The following TNK2 variants were observed in gnomAD, a reference collection of about 807,000 sequenced individuals.
TNK2 encodes the protein tyrosine kinase non receptor 2.
In TNK2, 83 loss-of-function variants were observed where a neutral mutation model predicts 101.8. That is an observed-to-expected ratio of 0.82 (90% CI 0.68 to 0.98). TNK2 has a LOEUF of 0.98. Among genes scored for constraint, TNK2 ranks in the 50% least tolerant of loss-of-function variants. The pLI, the probability that TNK2 is intolerant of heterozygous loss-of-function variation, is 0.00. For missense variants in TNK2, 1,665 were observed against 1,483.2 expected (o/e 1.12, Z -2.01); for synonymous variants, 804 against 633.0 (o/e 1.27, Z -4.06).
intron 1 of TNK2, among the ~76,000 whole-genome samples, chr3:195,903,006 T>TC (rs1761373755): frequency 6.8e-6 from 1 of 146,280 alleles, no homozygotes; most frequent in African/African-American, 2.6e-5. Flanking sequence ...CACCTCGGCC[T>TC]CCCAAAGTAC....
intron 1 of TNK2, among the ~76,000 whole-genome samples, chr3:195,889,654 G>A (rs1757567471): frequency 6.6e-6 from 1 of 152,176 alleles, no homozygotes; most frequent in African/African-American, 2.4e-5. Flanking sequence ...GCTGGCCAAA[G>A]CACACTGCAG....
At chr3:195,872,491 G>A (rs372837495) in intron 9 of TNK2, 21 bp from the exon 10 acceptor site, 79 of 1,559,416 alleles carry the variant, frequency 5.1e-5, no homozygotes, top group Middle Eastern at 1.9e-4. Context: ...GAGATGGCAC[G>A]GTGAACGCCA....
At position 195,878,608 on chromosome 3, in the gene TNK2, T is replaced by C; in HGVS notation, c.1015-16A>G. 6.2e-7 allele frequency: 1 copy of C among 1,607,138 alleles called. No homozygotes were observed. The highest frequency in any genetic ancestry group is 1.3e-5 in the African/African-American group (1 of 74,812). ...TATGCAGGATCTGAAGGTGAGGAGG[T>C]GCAGAGTTTGACGACAAACAGAGCG... is the stretch of plus-strand genomic sequence containing the variant. On this transcript the variant is annotated splice_polypyrimidine_tract_variant and intron_variant, in intron 7 of 15. Transcript: ENST00000672887. The surrounding 1 kb of genome is among the most constrained non-coding windows in gnomAD (Gnocchi z 4.7).
chr3:195,887,914 A>ATGCGTGCGTGCACGTGCG (rs1280111593), intron 2 of TNK2, among the ~76,000 whole-genome samples: 1 of 131,666 alleles, frequency 7.6e-6, no homozygotes, highest in African/African-American at 3.6e-5. Flanking sequence ...GTGCACGTGC[A>ATGCGTGCGTGCACGTGCG]TGCGTGCGTG....
chr3:195,865,788 G>GA, intron 15 of TNK2, among the ~76,000 whole-genome samples: 1 of 151,576 alleles, frequency 6.6e-6, no homozygotes, highest in East Asian at 1.9e-4. Context: ...GTATGGGACA[G>GA]ACAGGTGACA....
At chr3:195,869,134 C>A in intron 12 of TNK2, 1 of 515,724 alleles carries the variant, frequency 1.9e-6, no homozygotes, top group Non-Finnish European at 3.5e-6. Context: ...AAGGACTATC[C>A]TTGGAGAGGA....
chr3:195,891,934 T>C (rs1392125574), intron 1 of TNK2: 3 of 988,822 alleles, frequency 3.0e-6, no homozygotes, highest in Admixed American at 6.1e-5. Flanking sequence ...GTGCACTCCA[T>C]GCTCCCTGAC....
rs371973887 is a variant in TNK2, at chr3:195,879,155, T to C, written c.908A>G (p.Lys303Arg). ...GCTGGCATGGGAGAAGGTGCGTGTC[T>C]TCAGGCTCTCGGGGGCACACCTGGC... ...PFAWCAPESL[K>R]TRTFSHASDT... Residue 303 changes from lysine (K) to arginine (R), a missense_variant, in exon 7 of 16, where the codon AAG becomes AGG. Physicochemically the swap from Lys to Arg is conservative, Grantham distance 26. Around this residue, in one of 3 missense-constraint regions of TNK2, gnomAD observed 490 missense variants for 522.5 expected, o/e 0.94. Transcript: ENST00000672887. 8.1e-6 allele frequency: 13 copies of C among 1,613,476 alleles called. No individual in the cohort carries two copies. The highest frequency in any genetic ancestry group is 1.1e-5 in the Non-Finnish European group (13 of 1,179,914).
chr3:195,904,081 C>T (rs1034371870), intron 1 of TNK2, among the ~76,000 whole-genome samples: 1 of 150,906 alleles, frequency 6.6e-6, no homozygotes, highest in Non-Finnish European at 1.5e-5. Flanking sequence ...GCCAAACTCC[C>T]GTCTCTACAG....
intron 9 of TNK2, chr3:195,876,440 T>C (rs997273030): frequency 4.6e-5 from 21 of 456,330 alleles, no homozygotes; most frequent in African/African-American, 4.0e-4. Flanking sequence ...GCCCAAAGAC[T>C]CACACAGAGC....
intron 1 of TNK2, chr3:195,896,001 C>G (rs1420038803): frequency 5.4e-6 from 2 of 371,896 alleles, no homozygotes; most frequent in Non-Finnish European, 1.1e-5. Context: ...GCCGGTTCCC[C>G]GCGCGCCACT....
At chr3:195,876,069 C>T (rs974505879) in intron 9 of TNK2, among the ~76,000 whole-genome samples, 6 of 152,168 alleles carry the variant, frequency 3.9e-5, no homozygotes, top group African/African-American at 7.2e-5. Flanking sequence ...CACAGGAAGC[C>T]GAGGCTCCAG....
rs150105233 is a variant in TNK2 at position 195,864,008 on chromosome 3, G to A, written c.*173C>T. 1,460 of 784,910 alleles carry A rather than the reference G, an allele frequency of 1.9e-3. 15 individuals are homozygous for A. The East Asian group carries it at 0.027, about 14-fold the overall frequency. 48.6% of individuals were successfully genotyped at this position (784,910 alleles called of 1,614,324 possible). ...GTGCAGGGACAGCGCTGGTGCAGGA[G>A]GGATGGGCAGGGCAGGGCTCCCAGC... On this transcript the variant is annotated 3_prime_UTR_variant, in exon 16 of 16. Transcript: ENST00000672887.
chr3:195,892,542 T>C (rs978425859), intron 1 of TNK2: 1 of 1,526,336 alleles, frequency 6.6e-7, no homozygotes, highest in African/African-American at 1.4e-5. Flanking sequence ...TGGCCTCGGC[T>C]CCGGAGCTTC....
At chr3:195,892,792 C>T in intron 1 of TNK2, 1 of 1,161,008 alleles carries the variant, frequency 8.6e-7, no homozygotes, top group Non-Finnish European at 1.1e-6. Context: ...AACTGCCCGC[C>T]CGGCCGCCCT....
chr3:195,883,049 A>G, intron 5 of TNK2, 108 bp downstream of exon 5: 1 of 1,406,112 alleles, frequency 7.1e-7, no homozygotes. Flanking sequence ...TGGGGGACCA[A>G]AGTAGGATCT....
At chr3:195,893,333 G>A (rs1759359354) in intron 1 of TNK2, among the ~76,000 whole-genome samples, 1 of 151,974 alleles carries the variant, frequency 6.6e-6, no homozygotes, top group East Asian at 1.9e-4. Context: ...AGGGTGGGGT[G>A]AGGATCCTCA....
At chr3:195,869,466 G>A (rs1743344194) in intron 12 of TNK2, 31 bp downstream of exon 12, 2 of 1,549,262 alleles carry the variant, frequency 1.3e-6, no homozygotes, top group Admixed American at 2.0e-5. Context: ...GCGGGGGCGG[G>A]GGCCAAGGCA....
intron 6 of TNK2, among the ~76,000 whole-genome samples, chr3:195,880,034 T>C (rs1243354343): frequency 6.6e-6 from 1 of 152,116 alleles, no homozygotes; most frequent in Non-Finnish European, 1.5e-5. Context: ...AAGATGACCA[T>C]GCGTCCTGGA....
Sources: gnomAD v4.1 joint callset for allele counts (sites outside exome capture counted in the v4.1 genomes callset) on GRCh38, gnomAD v4.1.1 for gene constraint, gnomAD v4.1.1 regional missense constraint, Gnocchi (gnomAD v3.1) non-coding constraint, MANE v1.5 for transcripts, NCBI Gene and HGNC (gene_info 2026-07-23, HGNC 2026-07-21) for gene names.